The following HSD17B11 variants were observed in gnomAD, a reference collection of about 807,000 sequenced individuals.
The protein encoded by HSD17B11 is estradiol 17-beta-dehydrogenase 11.
HSD17B11 carries 22 observed loss-of-function variants against 27.8 expected under a neutral mutation model. The observed-to-expected ratio is 0.79, with a 90% CI of 0.56 to 1.13. HSD17B11 has a LOEUF of 1.13. Ranked by LOEUF, HSD17B11 falls within the 50% of genes most tolerant of loss-of-function variation. The probability of loss-of-function intolerance (pLI) is 0.00; values close to 1 mark genes in which losing one functional copy is unlikely to be tolerated. For missense variants in HSD17B11, 314 were observed against 351.1 expected, an observed-to-expected ratio of 0.89 and a Z score of 0.84; for synonymous variants, 117 against 132.8, an observed-to-expected ratio of 0.88 and a Z score of 0.82.
intron 1 of HSD17B11, among the ~76,000 whole-genome samples, chr4:87,388,660 A>G (rs1283361741): frequency 6.6e-6 from 1 of 152,126 alleles, no homozygotes; most frequent in Non-Finnish European, 1.5e-5. Flanking sequence ...GCTTAACACC[A>G]TCTAACAATT....
intron 1 of HSD17B11, among the ~76,000 whole-genome samples, chr4:87,386,255 T>C (rs1227530246): frequency 6.6e-6 from 1 of 151,468 alleles, no homozygotes; most frequent in African/African-American, 2.4e-5. Context: ...CAGCCTGGAG[T>C]GCAATGGTGC....
At chr4:87,389,298 C>T (rs1208254289) in intron 1 of HSD17B11, among the ~76,000 whole-genome samples, 1 of 152,218 alleles carries the variant, frequency 6.6e-6, no homozygotes, top group African/African-American at 2.4e-5. Context: ...TCTCGGCTCA[C>T]TGCAACCTCT....
At chr4:87,353,846 C>G (rs749546019) in intron 5 of HSD17B11, among the ~76,000 whole-genome samples, 12 of 152,126 alleles carry the variant, frequency 7.9e-5, no homozygotes, top group Admixed American at 1.3e-4. Context: ...TTTTAGTATC[C>G]ACATACTGAA....
At chr4:87,387,983 T>C (rs2110135727) in intron 1 of HSD17B11, among the ~76,000 whole-genome samples, 1 of 152,284 alleles carries the variant, frequency 6.6e-6, no homozygotes, top group South Asian at 2.1e-4. Flanking sequence ...GCCCAGCAGC[T>C]GGAGGATCCT....
At chr4:87,379,276 G>A (rs1226498495) in intron 2 of HSD17B11, among the ~76,000 whole-genome samples, 1 of 150,324 alleles carries the variant, frequency 6.7e-6, no homozygotes, top group African/African-American at 2.4e-5. Flanking sequence ...TGGGATTCTA[G>A]GCATAAGCCA....
At chr4:87,362,890 A>G (rs1225852892) in intron 4 of HSD17B11, among the ~76,000 whole-genome samples, 1 of 152,186 alleles carries the variant, frequency 6.6e-6, no homozygotes, top group African/African-American at 2.4e-5. Context: ...CCACCCTGCC[A>G]CAGGCAATAC....
At chr4:87,373,788 T>C (rs957436587) in intron 3 of HSD17B11, among the ~76,000 whole-genome samples, 4 of 148,464 alleles carry the variant, frequency 2.7e-5, no homozygotes, top group African/African-American at 1.0e-4. Flanking sequence ...AACTTGGGAA[T>C]ATTAGCATAA....
chr4:87,384,715 T>C (rs543926505), intron 1 of HSD17B11, among the ~76,000 whole-genome samples: 1 of 151,752 alleles, frequency 6.6e-6, no homozygotes, highest in South Asian at 2.1e-4. Context: ...AAATCTGTGG[T>C]CAGACCGGTT....
Position 87,354,659 on chromosome 4 carries a change from AT to A in HSD17B11, c.695+2619del, listed in dbSNP as rs201935724. 4.4e-3 allele frequency among the ~76,000 whole-genome samples: 662 copies of A among 151,608 alleles called. 8 individuals carry two copies. Among genetic ancestry groups the A allele is most frequent in the African/African-American group, 0.015 (616 of 41,170 alleles). ...CCTTGTCTCAAAAAAAATAAAAAAA[AT>A]AAAAAAAGGAAAAAAATTAGAATCT... On this transcript the variant is annotated intron_variant, in intron 5 of 6. Transcript: ENST00000358290.
intron 5 of HSD17B11, among the ~76,000 whole-genome samples, chr4:87,354,587 C>T (rs150412433): frequency 5.3e-5 from 8 of 150,122 alleles, no homozygotes; most frequent in African/African-American, 9.9e-5. Context: ...AAGGCTGCAG[C>T]GAGCTGTGAT....
chr4:87,368,162 A>G (rs1735642968), intron 4 of HSD17B11, among the ~76,000 whole-genome samples: 1 of 152,020 alleles, frequency 6.6e-6, no homozygotes, highest in Non-Finnish European at 1.5e-5. Flanking sequence ...CTAAAAATAC[A>G]AAAAATTAGC....
At chr4:87,357,949 ATTTTTTTTTTT>A (rs57139706) in intron 4 of HSD17B11, among the ~76,000 whole-genome samples, 8 of 80,172 alleles carry the variant, frequency 1.0e-4, no homozygotes, top group Non-Finnish European at 1.5e-4. Context: ...CATTAGAGAA[ATTTTTTTTTTT>A]TTTTTTTTTT....
intron 2 of HSD17B11, among the ~76,000 whole-genome samples, chr4:87,377,331 T>C (rs1052093597): frequency 6.6e-6 from 1 of 151,372 alleles, no homozygotes; most frequent in African/African-American, 2.4e-5. Context: ...GCACCTGTAA[T>C]CCCAGCTGCT....
chr4:87,376,503 CAA>C (rs70957230), intron 2 of HSD17B11, among the ~76,000 whole-genome samples: 7 of 63,170 alleles, frequency 1.1e-4, no homozygotes, highest in East Asian at 6.0e-4. Context: ...GATTTCATCT[CAA>C]AAAAAAAAAA....
Position 87,372,761 on chromosome 4 carries a change from T to A in HSD17B11, c.505A>T (p.Thr169Ser). ...ACATGTCCAGCTGCCGAAGCCACAGTGACAATATGGCCATGGTTATTCTTC... is the reference window on the plus strand; with the variant it reads ...ACATGTCCAGCTGCCGAAGCCACAGAGACAATATGGCCATGGTTATTCTTC... Reference protein sequence around the residue: ...MTKNNHGHIVTVASAAGHVSV... With the variant: ...MTKNNHGHIVSVASAAGHVSV... Residue 169 changes from threonine (T) to serine (S), a missense_variant, in exon 4 of 7, where the codon ACT (threonine) becomes TCT (serine). Thr to Ser is a moderately conservative substitution (Grantham distance 58). Coordinates refer to ENST00000358290, the MANE Select transcript of HSD17B11 (RefSeq NM_016245.5). 1 of 1,613,918 alleles carries A rather than the reference T, an allele frequency of 6.2e-7. No homozygotes were observed.
rs1311666812 is a variant in HSD17B11, at chr4:87,348,785, C to A, written c.696-8179G>T. Among the ~76,000 whole-genome samples the A allele has an allele frequency of 9.8e-4, 28 of 28,538 alleles. 9 individuals carry two copies. In the East Asian group the frequency reaches 0.011, roughly 12 times the overall value. The allele number at this position is 28,538 out of a possible 152,430, so 18.7% of individuals were successfully genotyped here. A position where few individuals can be genotyped will look rare whatever the true frequency, so the allele number is the denominator to read the frequency against. ...ATGGAATGTTCTTCCATTTGTTTGT[C>A]TCCTCTTTTATTTCCTTGAGCAGTG... On this transcript the variant is annotated intron_variant, in intron 5 of 6. Transcript: ENST00000358290.
At position 87,391,071 on chromosome 4, in the gene HSD17B11, C is replaced by A. The variant is rs1457311960; in HGVS notation, c.-1G>T. 6.2e-7 allele frequency: 1 copy of A among 1,610,348 alleles called. No homozygotes were observed. Among genetic ancestry groups the A allele is most frequent in the Non-Finnish European group, 8.5e-7 (1 of 1,178,566 alleles). ...GGAGGATGTCCAGAAGAAATTTCAT[C>A]CCTTTTGTGGCTGCGAGCGTTTGGT... On this transcript the variant is annotated 5_prime_UTR_variant, in exon 1 of 7. Coordinates refer to ENST00000358290, the MANE Select transcript of HSD17B11 (RefSeq NM_016245.5).
chr4:87,391,180 G>GGA lies in HSD17B11; in HGVS notation c.-112_-111dup, dbSNP rs368823056. On this transcript the variant is annotated 5_prime_UTR_variant, in exon 1 of 7. Transcript: ENST00000358290. Reference sequence around the variant, plus strand: ...CCAGAAAGAGTAGGGGCGAGAGCAAGGAGGAACTCCCGTATCAAAGAAAAA... The same window carrying GGA: ...CCAGAAAGAGTAGGGGCGAGAGCAAGGAGAGGAACTCCCGTATCAAAGAAAAA... 2.2e-5 allele frequency: 17 copies of GGA among 759,206 alleles called. No homozygotes were observed. Among genetic ancestry groups the GGA allele is most frequent in the Non-Finnish European group, 3.4e-5 (16 of 473,940 alleles). 47.0% of individuals were successfully genotyped at this position (759,206 alleles called of 1,614,324 possible). A position where few individuals can be genotyped will look rare whatever the true frequency, so the allele number is the denominator to read the frequency against.
chr4:87,357,948 A>ATTTTTTTTTTTTTT lies in HSD17B11; in HGVS notation c.558-533_558-532insAAAAAAAAAAAAAA, dbSNP rs748955521. On this transcript the variant is annotated intron_variant, in intron 4 of 6. Transcript: ENST00000358290. ...TTTGTAACTGAACATTCATTAGAGA[A>ATTTTTTTTTTTTTT]ATTTTTTTTTTTTTTTTTTTTTTTT... 1.1e-3 allele frequency among the ~76,000 whole-genome samples: 110 copies of ATTTTTTTTTTTTTT among 97,354 alleles called. 5 individuals are homozygous for ATTTTTTTTTTTTTT. The highest frequency in any genetic ancestry group is 1.5e-3 in the African/African-American group (34 of 22,298). The allele number at this position is 97,354 out of a possible 152,430, so 63.9% of individuals were successfully genotyped here.
Sources: gnomAD v4.1 joint callset for allele counts (sites outside exome capture counted in the v4.1 genomes callset) on GRCh38, gnomAD v4.1.1 for gene constraint, MANE v1.5 for transcripts, NCBI Gene and HGNC (gene_info 2026-07-23, HGNC 2026-07-21) for gene names.